B3GAT2: variants seen among roughly 807,000 people sequenced by gnomAD.
B3GAT2 encodes the protein galactosylgalactosylxylosylprotein 3-beta-glucuronosyltransferase 2.
B3GAT2 carries 26 observed loss-of-function variants against 27.8 expected under a neutral mutation model. The observed-to-expected ratio is 0.93, with a 90% CI of 0.68 to 1.30. The LOEUF (loss-of-function observed/expected upper bound fraction) is 1.30, where lower values mean the gene tolerates loss of function less well. Ranked by LOEUF, B3GAT2 falls within the 50% of genes most tolerant of loss-of-function variation. The probability of loss-of-function intolerance (pLI) is 0.00; values close to 1 mark genes in which losing one functional copy is unlikely to be tolerated. For missense variants in B3GAT2, 458 were observed against 459.0 expected, an observed-to-expected ratio of 1.00 and a Z score of 0.02; for synonymous variants, 218 against 195.1, an observed-to-expected ratio of 1.12 and a Z score of -0.98.
At chr6:70,950,543 G>A (rs1486447579) in intron 1 of B3GAT2, among the ~76,000 whole-genome samples, 1 of 152,092 alleles carries the variant, frequency 6.6e-6, no homozygotes, top group Non-Finnish European at 1.5e-5. Context: ...TAGAACCAGG[G>A]CACCTGGGTT....
intron 1 of B3GAT2, among the ~76,000 whole-genome samples, chr6:70,895,586 A>G (rs1332904348): frequency 7.3e-6 from 1 of 136,534 alleles, no homozygotes; most frequent in Admixed American, 8.6e-5. Flanking sequence ...GCTCACTGCA[A>G]TCTCTGCCTC....
chr6:70,894,196 T>C lies in B3GAT2; in HGVS notation c.668A>G (p.Glu223Gly). 1.2e-6 allele frequency: 2 copies of C among 1,613,862 alleles called. No individual in the cohort carries two copies. The highest frequency in any genetic ancestry group is 1.7e-6 in the Non-Finnish European group (2 of 1,179,822). ...GTACCAGCCAACAACTTTGCCGTTTTCCACCAGCGGACGTTCGTAGCGCCG... is the reference window on the plus strand; with the variant it reads ...GTACCAGCCAACAACTTTGCCGTTTCCCACCAGCGGACGTTCGTAGCGCCG... Reference protein sequence around the residue: ...GGRRYERPLVENGKVVGWYTG... With the variant: ...GGRRYERPLVGNGKVVGWYTG... Residue 223 changes from glutamate (E) to glycine (G), a missense_variant, in exon 2 of 4, where the codon GAA becomes GGA. Physicochemically the swap from Glu to Gly is moderately conservative, Grantham distance 98. Transcript: ENST00000230053.
intron 1 of B3GAT2, among the ~76,000 whole-genome samples, chr6:70,946,908 G>C (rs1765494054): frequency 6.6e-6 from 1 of 152,004 alleles, no homozygotes; most frequent in Non-Finnish European, 1.5e-5. Flanking sequence ...AATCAAACTA[G>C]AACTCAGGAT....
intron 1 of B3GAT2, among the ~76,000 whole-genome samples, chr6:70,902,944 G>A (rs976753626): frequency 6.6e-6 from 1 of 151,790 alleles, no homozygotes; most frequent in Non-Finnish European, 1.5e-5. Context: ...TACTTAGAAG[G>A]AATAAGTTCA....
At chr6:70,910,977 T>C (rs1772680820) in intron 1 of B3GAT2, among the ~76,000 whole-genome samples, 2 of 152,236 alleles carry the variant, frequency 1.3e-5, no homozygotes, top group South Asian at 4.1e-4. Flanking sequence ...ATGTCATCTT[T>C]TGAAAAGTGT....
intron 1 of B3GAT2, among the ~76,000 whole-genome samples, chr6:70,918,605 C>G (rs1013911406): frequency 6.6e-6 from 1 of 152,154 alleles, no homozygotes. Context: ...GACAAAATCT[C>G]TCAGCATTTG....
chr6:70,928,354 CAG>C (rs1230046317), intron 1 of B3GAT2, among the ~76,000 whole-genome samples: 1 of 149,682 alleles, frequency 6.7e-6, no homozygotes, highest in Non-Finnish European at 1.5e-5. Flanking sequence ...CTGAAGGCGA[CAG>C]AGACACAAAA....
intron 1 of B3GAT2, among the ~76,000 whole-genome samples, chr6:70,916,770 T>A (rs534998878): frequency 6.6e-6 from 1 of 152,302 alleles, no homozygotes; most frequent in South Asian, 2.1e-4. Context: ...TGGATAAGCT[T>A]TTTGATGGGC....
chr6:70,909,880 TC>T (rs1445888490), intron 1 of B3GAT2, among the ~76,000 whole-genome samples: 1 of 152,166 alleles, frequency 6.6e-6, no homozygotes, highest in African/African-American at 2.4e-5. Context: ...TTTTTGTTTT[TC>T]TTTTGTTTTT....
chr6:70,889,814 C>T (rs930521737), intron 2 of B3GAT2, among the ~76,000 whole-genome samples: 1 of 151,372 alleles, frequency 6.6e-6, no homozygotes, highest in African/African-American at 2.4e-5. Flanking sequence ...AAACAGTCTC[C>T]CTGTGTCTCC....
chr6:70,932,043 T>C (rs1393501401), intron 1 of B3GAT2, among the ~76,000 whole-genome samples: 1 of 152,142 alleles, frequency 6.6e-6, no homozygotes, highest in Non-Finnish European at 1.5e-5. Flanking sequence ...ATAGGAGAGA[T>C]GCAAATCAAA....
chr6:70,928,617 C>T (rs544812617), intron 1 of B3GAT2, among the ~76,000 whole-genome samples: 2 of 152,130 alleles, frequency 1.3e-5, no homozygotes, highest in Admixed American at 1.3e-4. Flanking sequence ...ACACATACAA[C>T]CTCCCAAGAC....
At chr6:70,890,674 C>A in intron 2 of B3GAT2, among the ~76,000 whole-genome samples, 2 of 152,302 alleles carry the variant, frequency 1.3e-5, no homozygotes, top group South Asian at 4.1e-4. Context: ...GACTCTCCAG[C>A]GCGTGGGGGG....
At chr6:70,862,223 TTAGTC>T (rs1490834373) in intron 2 of B3GAT2, among the ~76,000 whole-genome samples, 1 of 152,098 alleles carries the variant, frequency 6.6e-6, no homozygotes, top group Non-Finnish European at 1.5e-5. Flanking sequence ...AATAGGAAGT[TTAGTC>T]TGTTGATAAT....
At position 70,870,285 on chromosome 6, in the gene B3GAT2, G is replaced by A. The variant is rs190369295; in HGVS notation, c.737-8307C>T. ...AAACCATCATTCTCAGCAAACTATC[G>A]CAAGGACAAAGAACCAAACACCGCA... On this transcript the variant is annotated intron_variant, in intron 2 of 3. Transcript: ENST00000230053. Among the ~76,000 whole-genome samples the A allele has an allele frequency of 5.7e-3, 849 of 150,108 alleles. 10 individuals carry two copies. Among genetic ancestry groups the A allele is most frequent in the African/African-American group, 0.02 (814 of 40,852 alleles).
rs1167114009 is a variant in B3GAT2, at chr6:70,859,409, T to G, written c.*2254A>C. 1.3e-6 allele frequency: 2 copies of G among 1,546,554 alleles called. No homozygotes were observed. The highest frequency in any genetic ancestry group is 1.7e-6 in the Non-Finnish European group (2 of 1,144,306). ...CAATGACAAGGTGGTTAAAATGTCC[T>G]TTAGTAGGTATGAAGACGTGATCTG... On this transcript the variant is annotated 3_prime_UTR_variant, in exon 4 of 4. Transcript: ENST00000230053.
At position 70,940,814 on chromosome 6, in the gene B3GAT2, G is replaced by T. The variant is rs145227910; in HGVS notation, c.591+15025C>A. On this transcript the variant is annotated intron_variant, in intron 1 of 3. Coordinates refer to ENST00000230053, the MANE Select transcript of B3GAT2 (RefSeq NM_080742.3). ...ATGATGGCTTGCACCTGTAATCCTA[G>T]CTACTCAGGAGGCTGAAGCAGGGGA... Among the ~76,000 whole-genome samples the T allele has an allele frequency of 2.4e-3, 358 of 152,224 alleles. 2 individuals are homozygous for T. Among genetic ancestry groups the T allele is most frequent in the South Asian group, 0.015 (70 of 4,812 alleles).
chr6:70,936,610 C>T (rs541820523), intron 1 of B3GAT2, among the ~76,000 whole-genome samples: 491 of 152,008 alleles, frequency 3.2e-3, no homozygotes, highest in South Asian at 7.5e-3. Flanking sequence ...CACTCAAAAC[C>T]GCTCAGCTAC....
chr6:70,887,244 A>G (rs550308675), intron 2 of B3GAT2, among the ~76,000 whole-genome samples: 1 of 152,294 alleles, frequency 6.6e-6, no homozygotes, highest in Non-Finnish European at 1.5e-5. Context: ...GAAGCTGATC[A>G]CAGCATTATC....
Sources: allele counts gnomAD v4.1 joint callset (sites outside exome capture counted in the v4.1 genomes callset), GRCh38; gene constraint gnomAD v4.1.1; transcripts MANE v1.5; gene names NCBI Gene and HGNC (gene_info 2026-07-23, HGNC 2026-07-21).